The following BCL2L11 variants were observed in gnomAD, a reference collection of about 807,000 sequenced individuals.
BCL2L11 encodes the protein bcl-2-like protein 11.
BCL2L11 carries 15 observed loss-of-function variants against 20.6 expected under a neutral mutation model. That is an observed-to-expected ratio of 0.73 (90% CI 0.49 to 1.12). BCL2L11 has a LOEUF of 1.12. BCL2L11 is among the 50% of genes most tolerant of loss of function. The pLI is 0.00. For synonymous variants in BCL2L11, 108 were observed against 92.8 expected (o/e 1.16, Z -0.94); for missense variants, 292 against 260.9 (o/e 1.12, Z -0.82).
chr2:111,126,516 T>C (rs993907497), intron 2 of BCL2L11, among the ~76,000 whole-genome samples: 1 of 152,094 alleles, frequency 6.6e-6, no homozygotes, highest in Non-Finnish European at 1.5e-5. Context: ...GAGATTTGTT[T>C]TGGGAGAGGA....
intron 1 of BCL2L11, chr2:111,122,702 G>T: frequency 1.0e-6 from 1 of 982,128 alleles, no homozygotes; most frequent in Non-Finnish European, 1.2e-6. Flanking sequence ...GAGGCGCGGC[G>T]TGCGGAGCCC....
At chr2:111,144,440 A>G (rs772422702) in intron 2 of BCL2L11, 4 of 1,546,552 alleles carry the variant, frequency 2.6e-6, no homozygotes, top group African/African-American at 1.4e-5. Flanking sequence ...TGATTCTGAT[A>G]GCATTTACCG....
At chr2:111,127,015 CT>C (rs59854799) in intron 2 of BCL2L11, among the ~76,000 whole-genome samples, 90,084 of 151,856 alleles carry the variant, frequency 0.59, 28,648 homozygotes, top group African/African-American at 0.82. Flanking sequence ...TCATATTTTC[CT>C]TTTATGTCTC....
At chr2:111,147,346 T>TCTCTCTCTCTCTCTCTCTCTCTCACACA (rs760779894) in intron 2 of BCL2L11, among the ~76,000 whole-genome samples, 1 of 137,332 alleles carries the variant, frequency 7.3e-6, no homozygotes, top group African/African-American at 2.9e-5. Context: ...TCTCTCTCTC[T>TCTCTCTCTCTCTCTCTCTCTCTCACACA]CACACACACA....
At chr2:111,162,247 A>G (rs1454871936) in intron 3 of BCL2L11, among the ~76,000 whole-genome samples, 2 of 152,192 alleles carry the variant, frequency 1.3e-5, no homozygotes, top group Admixed American at 6.5e-5. Flanking sequence ...TCCAAAAGCA[A>G]TTGCTTGTCA....
At chr2:111,153,169 C>A (rs777373910) in intron 3 of BCL2L11, among the ~76,000 whole-genome samples, 6 of 151,804 alleles carry the variant, frequency 4.0e-5, no homozygotes, top group Non-Finnish European at 7.4e-5. Flanking sequence ...CCAGAGGTCA[C>A]GAGTTTAAGA....
intron 2 of BCL2L11, chr2:111,131,687 T>A (rs1325054883): frequency 6.6e-6 from 1 of 152,218 alleles, no homozygotes; most frequent in Non-Finnish European, 1.5e-5. Context: ...CTCTCTTTTC[T>A]TCTTATTGTT....
At position 111,128,621 on chromosome 2, in the gene BCL2L11, T is replaced by TA. The variant is rs775496746; in HGVS notation, c.394+4484dup. On this transcript the variant is annotated intron_variant, in intron 2 of 3. Transcript: ENST00000393256. ...ACCAACACTTTTTTTTTTTTTTTTT[T>TA]AACAGTAGTCATCCTAGAGGATATA... The TA allele has an allele frequency of 3.9e-5, 58 of 1,482,836 alleles. No individual in the cohort carries two copies. In the African/African-American group the frequency reaches 7.8e-4, roughly 20 times the overall value. 91.9% of individuals were successfully genotyped at this position (1,482,836 alleles called of 1,614,324 possible).
At chr2:111,145,461 C>A (rs778413963) in intron 2 of BCL2L11, among the ~76,000 whole-genome samples, 1 of 152,068 alleles carries the variant, frequency 6.6e-6, no homozygotes, top group Non-Finnish European at 1.5e-5. Context: ...TTTAGCCTGA[C>A]TGATACTGAG....
In BCL2L11 at chr2:111,153,223, CA is replaced by C. The variant is rs796717618; in HGVS notation, c.498+3082del. On this transcript the variant is annotated intron_variant, in intron 3 of 3. Transcript: ENST00000393256. ...TGAAGCCCCGTCTCTACTAAAAGTACAAAAAATTAGCTGGGTGTGGTGGTGG... is the reference window on the plus strand; with the variant it reads ...TGAAGCCCCGTCTCTACTAAAAGTACAAAAATTAGCTGGGTGTGGTGGTGG... Among the ~76,000 whole-genome samples the C allele has an allele frequency of 6.6e-4, 100 of 151,902 alleles. 1 individual carries two copies. The highest frequency in any genetic ancestry group is 2.3e-3 in the African/African-American group (96 of 41,470).
chr2:111,121,991 T>G (rs537268813), intron 1 of BCL2L11, among the ~76,000 whole-genome samples: 19 of 152,198 alleles, frequency 1.2e-4, no homozygotes, highest in African/African-American at 4.6e-4. Context: ...CGCCGTGCCC[T>G]CTGGGACCTG....
intron 3 of BCL2L11, among the ~76,000 whole-genome samples, chr2:111,155,872 G>C (rs1473554569): frequency 1.3e-5 from 2 of 152,248 alleles, no homozygotes; most frequent in Non-Finnish European, 2.9e-5. Context: ...ATTGATTGAA[G>C]TGCATGTAGA....
At chr2:111,151,398 T>C (rs1316411770) in intron 3 of BCL2L11, among the ~76,000 whole-genome samples, 1 of 152,246 alleles carries the variant, frequency 6.6e-6, no homozygotes, top group African/African-American at 2.4e-5. Flanking sequence ...CTAATTCTTA[T>C]TTTGTGGAAA....
intron 2 of BCL2L11, among the ~76,000 whole-genome samples, chr2:111,125,155 A>G (rs913604261): frequency 6.6e-6 from 1 of 152,204 alleles, no homozygotes; most frequent in Admixed American, 6.5e-5. Context: ...ATATTGCAAG[A>G]TAACCTAGGA....
chr2:111,137,055 A>G (rs1192181339), intron 2 of BCL2L11, among the ~76,000 whole-genome samples: 1 of 152,190 alleles, frequency 6.6e-6, no homozygotes, highest in Non-Finnish European at 1.5e-5. Context: ...ATCACTCCTG[A>G]AAATGGCTGG....
chr2:111,151,341 C>A (rs541367223), intron 3 of BCL2L11, among the ~76,000 whole-genome samples: 1 of 152,318 alleles, frequency 6.6e-6, no homozygotes, highest in South Asian at 2.1e-4. Context: ...GTTTTAAACA[C>A]CTCATATAAA....
At position 111,129,849 on chromosome 2, in the gene BCL2L11, A is replaced by G. The variant is rs531494434; in HGVS notation, c.394+5710A>G. 3.9e-5 allele frequency among the ~76,000 whole-genome samples: 6 copies of G among 152,346 alleles called. No homozygotes were observed. The South Asian group carries it at 1.2e-3, about 32-fold the overall frequency. ...ACTTTTGTCATTTCAAGGATGCTGT[A>G]TAAGTGTAATCATACTGTATGTGAC... On this transcript the variant is annotated intron_variant, in intron 2 of 3. Coordinates refer to ENST00000393256, the MANE Select transcript of BCL2L11 (RefSeq NM_138621.5).
At chr2:111,146,238 T>C (rs1390081799) in intron 2 of BCL2L11, 4 of 982,654 alleles carry the variant, frequency 4.1e-6, no homozygotes, top group Non-Finnish European at 4.8e-6. Flanking sequence ...AAATTTGATC[T>C]CCCTACAGAG....
At chr2:111,139,708 G>A (rs930853331) in intron 2 of BCL2L11, among the ~76,000 whole-genome samples, 12 of 152,154 alleles carry the variant, frequency 7.9e-5, no homozygotes, top group African/African-American at 2.9e-4. Context: ...ACATGTACCC[G>A]GTTTAACCCG....
Sources: allele counts gnomAD v4.1 joint callset (sites outside exome capture counted in the v4.1 genomes callset), GRCh38; gene constraint gnomAD v4.1.1; transcripts MANE v1.5; gene names NCBI Gene and HGNC (gene_info 2026-07-23, HGNC 2026-07-21).